CELF2: variants seen among roughly 807,000 people sequenced by gnomAD.
CELF2 encodes the protein CUG triplet repeat RNA-binding protein 2.
Under a neutral mutation model 62.6 loss-of-function variants are expected in CELF2, and 8 were observed. The observed-to-expected ratio is 0.13, with a 90% confidence interval of 0.07 to 0.23. The LOEUF is 0.23. CELF2 is among the 10% of genes least tolerant of loss of function. CELF2 has a pLI of 1.00. For synonymous variants in CELF2, 258 were observed against 250.0 expected (o/e 1.03, Z -0.30); for missense variants, 333 against 671.0 (o/e 0.50, Z 5.56).
At chr10:11,202,368 A>T (rs1240284954) in intron 2 of CELF2, among the ~76,000 whole-genome samples, 2 of 152,214 alleles carry the variant, frequency 1.3e-5, no homozygotes, top group Non-Finnish European at 2.9e-5. Context: ...ATTCTTTGTC[A>T]TCCCAAAAAG....
chr10:10,728,785 A>G, the CELF2 span, among the ~76,000 whole-genome samples: 10 of 152,210 alleles, frequency 6.6e-5, no homozygotes, highest in Non-Finnish European at 1.2e-4. Context: ...TTAGGAAAAC[A>G]TCCTAAAGGT....
intron 1 of CELF2, among the ~76,000 whole-genome samples, chr10:10,834,513 C>A (rs968171493): frequency 6.6e-6 from 1 of 151,968 alleles, no homozygotes; most frequent in Non-Finnish European, 1.5e-5. Flanking sequence ...AGGCGACAGC[C>A]CAGACCAGAC....
chr10:11,134,411 G>A (rs142439429), intron 1 of CELF2, among the ~76,000 whole-genome samples: 11 of 152,332 alleles, frequency 7.2e-5, no homozygotes, highest in African/African-American at 2.6e-4. Flanking sequence ...GGGAACTTTC[G>A]GTAGCCACAG....
the CELF2 span, among the ~76,000 whole-genome samples, chr10:10,689,241 AG>A: frequency 6.6e-6 from 1 of 152,092 alleles, no homozygotes; most frequent in Admixed American, 6.5e-5. Context: ...GTGAAAGGGG[AG>A]GGGGAAGCAA....
chr10:10,725,891 C>T, the CELF2 span, among the ~76,000 whole-genome samples: 2 of 148,806 alleles, frequency 1.3e-5, no homozygotes, highest in East Asian at 2.0e-4. Context: ...AGAGAAAATT[C>T]TACAATTAAA....
Position 11,324,828 on chromosome 10 carries a change from A to C in CELF2, c.1295-1008A>C, listed in dbSNP as rs778763741. ...CCTGGGGTTGCCTAGTTGGGCAGGC[A>C]GGCCTGTTCCTCTCCTGTGAAGGCC... On this transcript the variant is annotated intron_variant, in intron 11 of 12. Coordinates refer to ENST00000633077, the MANE Select transcript of CELF2 (RefSeq NM_001326342.2). This position sits in a 1 kb window ranked among gnomAD's most constrained non-coding sequence, Gnocchi z 4.7. 6.6e-5 allele frequency among the ~76,000 whole-genome samples: 10 copies of C among 152,140 alleles called. No homozygotes were observed. Among genetic ancestry groups the C allele is most frequent in the Non-Finnish European group, 1.0e-4 (7 of 68,036 alleles).
At position 11,207,232 on chromosome 10, in the gene CELF2, CGATTT is replaced by C. The variant is rs1351021961; in HGVS notation, c.272-10192_272-10188del. ...TTCCCAAGAGGCTTGAAAATGCAGTCGATTTAATCTAGGTCAAAAGGAAAGAAAGA... is the reference window on the plus strand; with the variant it reads ...TTCCCAAGAGGCTTGAAAATGCAGTCAATCTAGGTCAAAAGGAAAGAAAGA... On this transcript the variant is annotated intron_variant, in intron 2 of 12. Transcript: ENST00000633077. This position sits in a 1 kb window ranked among gnomAD's most constrained non-coding sequence, Gnocchi z 4.1. Among the ~76,000 whole-genome samples the C allele has an allele frequency of 7.9e-5, 12 of 152,188 alleles. No individual in the cohort carries two copies. Among genetic ancestry groups the C allele is most frequent in the Admixed American group, 2.6e-4 (4 of 15,286 alleles).
intron 1 of CELF2, among the ~76,000 whole-genome samples, chr10:10,816,546 T>C (rs1390494858): frequency 6.6e-6 from 1 of 152,234 alleles, no homozygotes; most frequent in African/African-American, 2.4e-5. Context: ...TGAATAGCCA[T>C]AGAGCTGTAA....
intron 1 of CELF2, among the ~76,000 whole-genome samples, chr10:11,121,307 T>G (rs79791825): frequency 0.03 from 4,531 of 152,256 alleles, 242 homozygotes; most frequent in African/African-American, 0.1. Flanking sequence ...ATAGCACACA[T>G]AAGATGCTGG....
At chr10:10,544,813 T>C in the CELF2 span, among the ~76,000 whole-genome samples, 1 of 152,182 alleles carries the variant, frequency 6.6e-6, no homozygotes, top group Non-Finnish European at 1.5e-5. Context: ...GATTGCTCAC[T>C]GACAAGAACT....
rs1269781314 is a variant in CELF2 at position 11,331,365 on chromosome 10, C to T, written c.*2312C>T. ...TGAGGGAAAAAAAAAAAACCTATTC[C>T]AGAATAAGTTTTGTGTTGGCTTGTG... On this transcript the variant is annotated 3_prime_UTR_variant, in exon 13 of 13. Coordinates refer to ENST00000633077, the MANE Select transcript of CELF2 (RefSeq NM_001326342.2). 6.7e-6 allele frequency: 1 copy of T among 148,806 alleles called. No homozygotes were observed. Among genetic ancestry groups the T allele is most frequent in the African/African-American group, 2.5e-5 (1 of 40,354 alleles). The allele number at this position is 148,806 out of a possible 1,614,324, so 9.2% of individuals were successfully genotyped here.
At position 11,331,995 on chromosome 10, in the gene CELF2, T is replaced by G. The variant is rs952917076; in HGVS notation, c.*2942T>G. 2.6e-5 allele frequency: 4 copies of G among 152,156 alleles called. No individual in the cohort carries two copies. Among genetic ancestry groups the G allele is most frequent in the Non-Finnish European group, 5.9e-5 (4 of 68,018 alleles). 9.4% of individuals were successfully genotyped at this position (152,156 alleles called of 1,614,324 possible). ...TGACTACTTTGTTCTTTGGTTAAGA[T>G]CCAAAAGAAAACAGAAAACAATTCC... is the stretch of plus-strand genomic sequence containing the variant. On this transcript the variant is annotated 3_prime_UTR_variant, in exon 13 of 13. Transcript: ENST00000633077.
the CELF2 span, among the ~76,000 whole-genome samples, chr10:10,634,939 G>A: frequency 3.3e-5 from 5 of 152,156 alleles, no homozygotes; most frequent in Admixed American, 3.3e-4. Flanking sequence ...CTGCGGGGCA[G>A]CAGTCCTCCC....
chr10:11,282,278 G>A (rs958990485), intron 8 of CELF2, among the ~76,000 whole-genome samples: 2 of 152,180 alleles, frequency 1.3e-5, no homozygotes, highest in Non-Finnish European at 2.9e-5. Flanking sequence ...GATGGGGACC[G>A]AGAGGGCAGA....
chr10:10,920,143 C>G (rs181714238), intron 2 of CELF2: 2 of 461,092 alleles, frequency 4.3e-6, no homozygotes, highest in Admixed American at 8.8e-5. Flanking sequence ...CATGTAAATG[C>G]CAAAAATTAT....
chr10:10,578,031 G>A, the CELF2 span, among the ~76,000 whole-genome samples: 5 of 152,148 alleles, frequency 3.3e-5, no homozygotes, highest in African/African-American at 7.2e-5. Context: ...GTTGTTTCCT[G>A]ACTTTTTAAT....
At chr10:11,103,210 C>T in intron 1 of CELF2, among the ~76,000 whole-genome samples, 1 of 152,120 alleles carries the variant, frequency 6.6e-6, no homozygotes, top group East Asian at 1.9e-4. Context: ...CCACGCTTTG[C>T]CAGAGCCAAC....
the CELF2 span, among the ~76,000 whole-genome samples, chr10:10,702,181 G>A: frequency 6.6e-6 from 1 of 152,088 alleles, no homozygotes; most frequent in Non-Finnish European, 1.5e-5. Context: ...AAAAGAGGAG[G>A]AACAGGAAGG....
chr10:11,108,466 G>A (rs1246345687), intron 1 of CELF2, among the ~76,000 whole-genome samples: 2 of 151,954 alleles, frequency 1.3e-5, no homozygotes, highest in Non-Finnish European at 2.9e-5. Flanking sequence ...TCACCCACAT[G>A]TTATCTGTTC....
Sources: allele counts gnomAD v4.1 joint callset (sites outside exome capture counted in the v4.1 genomes callset), GRCh38; gene constraint gnomAD v4.1.1; non-coding constraint Gnocchi (gnomAD v3.1); transcripts MANE v1.5; gene names NCBI Gene and HGNC (gene_info 2026-07-23, HGNC 2026-07-21).